ZNF248: variants seen among roughly 807,000 people sequenced by gnomAD.
ZNF248 encodes the protein KRAB protein domain.
A neutral mutation model predicts 44.3 loss-of-function variants in ZNF248; 20 were observed. That is an observed-to-expected ratio of 0.45 (90% CI 0.32 to 0.66). The LOEUF (loss-of-function observed/expected upper bound fraction) is 0.66, where lower values mean the gene tolerates loss of function less well. ZNF248 is among the 30% of genes least tolerant of loss of function. The pLI is 0.04. For missense variants in ZNF248, 654 were observed against 677.0 expected (o/e 0.97, Z 0.38); for synonymous variants, 224 against 229.0 (o/e 0.98, Z 0.20).
chr10:37,820,290 G>T, intron 6 of ZNF248: 1 of 1,384,948 alleles, frequency 7.2e-7, no homozygotes, highest in African/African-American at 1.4e-5. Context: ...AGATCTCATA[G>T]ATGAGGGACT....
At chr10:37,826,637 A>G (rs1641706686), downstream of ZNF248, among the ~76,000 whole-genome samples, 1 of 152,222 alleles carries the variant, frequency 6.6e-6, no homozygotes. Context: ...ATCATCTGAG[A>G]AAACTAAAAA....
rs529577714 is a variant in ZNF248 at position 37,833,754 on chromosome 10, C to T, written c.239-638G>A. Among the ~76,000 whole-genome samples, 30 of 151,940 alleles carry T rather than the reference C, an allele frequency of 2.0e-4. No homozygotes were observed. In the South Asian group the frequency reaches 5.4e-3, roughly 27 times the overall value. On this transcript the variant is annotated intron_variant, in intron 5 of 5. Coordinates refer to ENST00000395867, the MANE Select transcript of ZNF248 (RefSeq NM_021045.3). ...TGAGAAGAAATAGTTTTTTTTAATG[C>T]TGTAGGAAAAGCATACTAGGGAAGG...
Position 37,832,375 on chromosome 10 carries a change from T to C in ZNF248, c.980A>G (p.Tyr327Cys), listed in dbSNP as rs779849551. Residue 327 changes from tyrosine to cysteine, a missense_variant, in exon 6 of 6, where the codon TAT becomes TGT. Coordinates refer to ENST00000395867, the MANE Select transcript of ZNF248 (RefSeq NM_021045.3). ...TTCCCAGGTTTTGTCACTCACTTTA[T>C]ATTCACGGAGAATCTTTCTTGTGTA... ...GAYTRKILRE[Y>C]KVSDKTWEKS... 3 of 1,614,112 alleles carry C rather than the reference T, an allele frequency of 1.9e-6. No individual in the cohort carries two copies. The highest frequency in any genetic ancestry group is 8.5e-7 in the Non-Finnish European group (1 of 1,179,956).
In ZNF248 at chr10:37,828,947, A is replaced by G; in HGVS notation, c.*2668T>C. The G allele has an allele frequency of 1.0e-6, 1 of 985,500 alleles. No individual in the cohort carries two copies. The highest frequency in any genetic ancestry group is 1.2e-6 in the Non-Finnish European group (1 of 829,944). 61.0% of individuals were successfully genotyped at this position (985,500 alleles called of 1,614,324 possible). A position where few individuals can be genotyped will look rare whatever the true frequency, so the allele number is the denominator to read the frequency against. ...AGTTTACTTATGCTAACAGGAAAGC[A>G]GAACAAACAGAAACACTTAACTTGC... On this transcript the variant is annotated 3_prime_UTR_variant, in exon 6 of 6. Coordinates refer to ENST00000395867, the MANE Select transcript of ZNF248 (RefSeq NM_021045.3).
intron 4 of ZNF248, 61 bp downstream of exon 4, chr10:37,837,924 A>G: frequency 1.3e-6 from 2 of 1,579,620 alleles, no homozygotes; most frequent in South Asian, 1.2e-5. Flanking sequence ...TCAGAAAACT[A>G]CAGGGCATCA....
the ZNF248 span, among the ~76,000 whole-genome samples, chr10:37,767,206 T>A: frequency 2.6e-5 from 4 of 152,278 alleles, no homozygotes; most frequent in South Asian, 6.2e-4. Context: ...CTCTGCAGGA[T>A]ATTATCCAGG....
intron 6 of ZNF248, among the ~76,000 whole-genome samples, chr10:37,821,172 A>T (rs778873002): frequency 2.6e-5 from 4 of 151,966 alleles, no homozygotes; most frequent in Non-Finnish European, 5.9e-5. Flanking sequence ...AAAAGCACAG[A>T]GTTTTGTCTG....
At chr10:37,813,651 T>C (rs1201320756) in intron 6 of ZNF248, among the ~76,000 whole-genome samples, 1 of 152,232 alleles carries the variant, frequency 6.6e-6, no homozygotes, top group African/African-American at 2.4e-5. Flanking sequence ...ATAATACATA[T>C]ACATAATACA....
chr10:37,762,182 T>C, the ZNF248 span, among the ~76,000 whole-genome samples: 1 of 152,168 alleles, frequency 6.6e-6, no homozygotes, highest in South Asian at 2.1e-4. Flanking sequence ...AAGTGGGGGA[T>C]AACTGTTGAA....
intron 6 of ZNF248, among the ~76,000 whole-genome samples, chr10:37,814,591 T>C (rs1372746468): frequency 1.3e-5 from 2 of 152,220 alleles, no homozygotes; most frequent in African/African-American, 4.8e-5. Context: ...CTCCCTCAGC[T>C]TTTGTTTATC....
At chr10:37,811,687 T>C (rs1454943226) in intron 6 of ZNF248, among the ~76,000 whole-genome samples, 4 of 147,140 alleles carry the variant, frequency 2.7e-5, no homozygotes, top group Admixed American at 6.9e-5. Flanking sequence ...AAAAAATATA[T>C]ATATATATAT....
intron 6 of ZNF248, among the ~76,000 whole-genome samples, chr10:37,787,573 A>G (rs2048028743): frequency 6.6e-6 from 1 of 151,966 alleles, no homozygotes; most frequent in African/African-American, 2.4e-5. Context: ...ATACTTCAAG[A>G]GGAAATTAAA....
intron 6 of ZNF248, among the ~76,000 whole-genome samples, chr10:37,823,160 C>T (rs138685761): frequency 0.01 from 1,584 of 151,586 alleles, 17 homozygotes; most frequent in Admixed American, 0.02. Flanking sequence ...ATGGTAAAGC[C>T]CTGTCTCTAC....
At chr10:37,780,500 T>C (rs1247524133) in intron 6 of ZNF248, among the ~76,000 whole-genome samples, 2 of 151,656 alleles carry the variant, frequency 1.3e-5, no homozygotes, top group Non-Finnish European at 2.9e-5. Context: ...CCTTACACCT[T>C]ATACAAAAAT....
At chr10:37,795,187 A>G (rs1383337966) in intron 6 of ZNF248, 1 of 152,218 alleles carries the variant, frequency 6.6e-6, no homozygotes. Flanking sequence ...CGTACAGTAG[A>G]ATGTGATGGT....
intron 6 of ZNF248, among the ~76,000 whole-genome samples, chr10:37,809,366 C>T (rs1342849524): frequency 6.6e-6 from 1 of 152,168 alleles, no homozygotes; most frequent in Non-Finnish European, 1.5e-5. Flanking sequence ...CAGCCTCCAC[C>T]TCCCAGGTTC....
At chr10:37,834,078 T>C (rs1368197674) in intron 5 of ZNF248, among the ~76,000 whole-genome samples, 3 of 152,186 alleles carry the variant, frequency 2.0e-5, no homozygotes, top group East Asian at 3.9e-4. Context: ...ACTAGAAACA[T>C]TTTATCCTTA....
intron 3 of ZNF248, among the ~76,000 whole-genome samples, chr10:37,840,778 T>A (rs1409515161): frequency 6.6e-6 from 1 of 151,768 alleles, no homozygotes; most frequent in African/African-American, 2.4e-5. Context: ...AGACTATGTC[T>A]CAAAAAAAGA....
At chr10:37,811,679 A>AT (rs1008219487) in intron 6 of ZNF248, among the ~76,000 whole-genome samples, 24 of 142,194 alleles carry the variant, frequency 1.7e-4, no homozygotes, top group African/African-American at 5.8e-4. Flanking sequence ...TACAAAAAAA[A>AT]AAATATATAT....
Sources: gnomAD v4.1 joint callset for allele counts (sites outside exome capture counted in the v4.1 genomes callset) on GRCh38, gnomAD v4.1.1 for gene constraint, MANE v1.5 for transcripts, NCBI Gene and HGNC (gene_info 2026-07-23, HGNC 2026-07-21) for gene names.